The following FBXW7 variants were observed in gnomAD, a reference collection of about 807,000 sequenced individuals.
FBXW7 encodes F-box/WD repeat-containing protein 7.
Under a neutral mutation model 86.3 loss-of-function variants are expected in FBXW7, and 11 were observed. The ratio of observed to expected loss-of-function variants is 0.13; its 90% CI spans 0.08 to 0.21. FBXW7 has a LOEUF of 0.21. Ranked by LOEUF, FBXW7 falls within the 10% of genes least tolerant of loss-of-function variation. The pLI, the probability that FBXW7 is intolerant of heterozygous loss-of-function variation, is 1.00. For missense variants in FBXW7, 488 were observed against 847.4 expected (o/e 0.58, Z 5.27); for synonymous variants, 313 against 297.9 (o/e 1.05, Z -0.52).
intron 4 of FBXW7, among the ~76,000 whole-genome samples, chr4:152,388,963 T>C (rs528311833): frequency 5.9e-5 from 9 of 151,890 alleles, no homozygotes; most frequent in Non-Finnish European, 1.2e-4. Flanking sequence ...CATTAAAAAG[T>C]GGGAAAAGAA....
chr4:152,342,628 C>A (rs1020645464), intron 6 of FBXW7, among the ~76,000 whole-genome samples: 1 of 152,194 alleles, frequency 6.6e-6, no homozygotes, highest in African/African-American at 2.4e-5. Context: ...AAAGAACTCA[C>A]TTCTCTAGCA....
At chr4:152,384,331 G>T (rs951404856) in intron 4 of FBXW7, among the ~76,000 whole-genome samples, 7 of 152,016 alleles carry the variant, frequency 4.6e-5, no homozygotes, top group African/African-American at 1.7e-4. Context: ...ACAAACAAGG[G>T]AACATTATTC....
At chr4:152,352,874 T>C (rs1482900196) in intron 4 of FBXW7, 37 of 1,464,490 alleles carry the variant, frequency 2.5e-5, no homozygotes, top group African/African-American at 4.2e-5. Flanking sequence ...ACATCTTCCC[T>C]TGAACACAGA....
chr4:152,371,253 A>T (rs930159259), intron 4 of FBXW7, among the ~76,000 whole-genome samples: 1 of 151,988 alleles, frequency 6.6e-6, no homozygotes, highest in Non-Finnish European at 1.5e-5. Context: ...TGTGAGATAC[A>T]TGCTAGTTTC....
At chr4:152,458,002 TTTTTG>T (rs747175585) in intron 2 of FBXW7, among the ~76,000 whole-genome samples, 45 of 152,152 alleles carry the variant, frequency 3.0e-4, no homozygotes, top group East Asian at 7.7e-4. Context: ...CTTTCTTTGT[TTTTTG>T]TTTTGTTTTG....
At chr4:152,346,752 A>G in intron 6 of FBXW7, 178 bp downstream of exon 6, 1 of 755,896 alleles carries the variant, frequency 1.3e-6, no homozygotes, top group Non-Finnish European at 2.0e-6. Context: ...GACATTTCAT[A>G]TAAAGAGAAT....
At chr4:152,453,111 G>GAGGC (rs950250544) in intron 2 of FBXW7, among the ~76,000 whole-genome samples, 3 of 152,316 alleles carry the variant, frequency 2.0e-5, no homozygotes, top group South Asian at 2.1e-4. Flanking sequence ...TTGAACCTGG[G>GAGGC]AGGCGGAGGT....
chr4:152,325,560 T>C, intron 12 of FBXW7: 1 of 160,084 alleles, frequency 6.2e-6, no homozygotes, highest in Non-Finnish European at 1.4e-5. Flanking sequence ...GACAGTAGAG[T>C]GCTTTATGCA....
At chr4:152,453,660 T>C (rs555510788) in intron 2 of FBXW7, among the ~76,000 whole-genome samples, 17 of 152,316 alleles carry the variant, frequency 1.1e-4, no homozygotes, top group African/African-American at 4.1e-4. Flanking sequence ...AAATGCCTCA[T>C]TTTCTTAATG....
At chr4:152,440,130 G>T (rs1482049431) in intron 2 of FBXW7, among the ~76,000 whole-genome samples, 1 of 152,118 alleles carries the variant, frequency 6.6e-6, no homozygotes, top group Non-Finnish European at 1.5e-5. Context: ...TAATAGCATA[G>T]GTAGAATATG....
chr4:152,447,216 A>G (rs1367605755), intron 2 of FBXW7, among the ~76,000 whole-genome samples: 1 of 152,224 alleles, frequency 6.6e-6, no homozygotes, highest in Non-Finnish European at 1.5e-5. Flanking sequence ...CGTTTCTACT[A>G]CAGTAAATTG....
intron 2 of FBXW7, among the ~76,000 whole-genome samples, chr4:152,509,844 G>A (rs1747796814): frequency 6.6e-6 from 1 of 152,196 alleles, no homozygotes. Context: ...CATGAAGAAT[G>A]TGACAATAGG....
chr4:152,360,179 C>G (rs570595373), intron 4 of FBXW7, among the ~76,000 whole-genome samples: 146 of 152,266 alleles, frequency 9.6e-4, no homozygotes, highest in African/African-American at 3.3e-3. Flanking sequence ...TGTCATGACT[C>G]ATCATTCCAT....
intron 2 of FBXW7, among the ~76,000 whole-genome samples, chr4:152,516,627 A>G (rs1748520919): frequency 6.6e-6 from 1 of 152,228 alleles, no homozygotes; most frequent in African/African-American, 2.4e-5. Flanking sequence ...TTTATCATCA[A>G]AACAATTTCT....
At chr4:152,406,061 T>C (rs1737395124) in intron 4 of FBXW7, among the ~76,000 whole-genome samples, 1 of 152,214 alleles carries the variant, frequency 6.6e-6, no homozygotes, top group Non-Finnish European at 1.5e-5. Flanking sequence ...TTTTTCTTCA[T>C]ACTGTCTTCC....
At chr4:152,350,774 T>C (rs1347434320) in intron 4 of FBXW7, among the ~76,000 whole-genome samples, 1 of 151,882 alleles carries the variant, frequency 6.6e-6, no homozygotes, top group African/African-American at 2.4e-5. Context: ...ATATACAGAA[T>C]ATAGCTCTAT....
intron 2 of FBXW7, among the ~76,000 whole-genome samples, chr4:152,455,257 C>G (rs889458359): frequency 6.6e-6 from 1 of 152,172 alleles, no homozygotes; most frequent in African/African-American, 2.4e-5. Context: ...TATACCCAGG[C>G]AACACAGGAG....
At chr4:152,367,211 C>T (rs1183655470) in intron 4 of FBXW7, among the ~76,000 whole-genome samples, 1 of 151,980 alleles carries the variant, frequency 6.6e-6, no homozygotes, top group African/African-American at 2.4e-5. Context: ...ACCAACATGG[C>T]ACATGTATAC....
At chr4:152,369,677 A>T (rs764016136) in intron 4 of FBXW7, among the ~76,000 whole-genome samples, 7 of 152,058 alleles carry the variant, frequency 4.6e-5, no homozygotes, top group Non-Finnish European at 8.8e-5. Context: ...CATATTGAAA[A>T]ATTAAGACTG....
Sources: gnomAD v4.1 joint callset for allele counts (sites outside exome capture counted in the v4.1 genomes callset) on GRCh38, gnomAD v4.1.1 for gene constraint, MANE v1.5 for transcripts, NCBI Gene and HGNC (gene_info 2026-07-23, HGNC 2026-07-21) for gene names.